Variants in RWDD3 observed in about 807,000 individuals in gnomAD.
The protein encoded by RWDD3 is RWD domain-containing protein 3.
Under a neutral mutation model 26.5 loss-of-function variants are expected in RWDD3, and 30 were observed. The observed-to-expected ratio is 1.13, with a 90% CI of 0.85 to 1.54. The LOEUF (loss-of-function observed/expected upper bound fraction) is 1.54, where lower values mean the gene tolerates loss of function less well. Ranked by LOEUF, RWDD3 falls within the 40% of genes most tolerant of loss-of-function variation. The probability of loss-of-function intolerance (pLI) is 0.00; values close to 1 mark genes in which losing one functional copy is unlikely to be tolerated. For missense variants in RWDD3, 296 were observed against 309.1 expected (o/e 0.96, Z 0.32); for synonymous variants, 113 against 114.5 (o/e 0.99, Z 0.09).
At chr1:95,246,509 G>A (rs767387624) in intron 2 of RWDD3, 33 bp from the exon 3 acceptor site, 4 of 1,252,640 alleles carry the variant, frequency 3.2e-6, no homozygotes, top group Non-Finnish European at 3.5e-6. Flanking sequence ...CTCAGAGTAA[G>A]ATATGTATTT....
chr1:95,245,260 C>T (rs1680806774), intron 2 of RWDD3, among the ~76,000 whole-genome samples: 1 of 152,166 alleles, frequency 6.6e-6, no homozygotes, highest in South Asian at 2.1e-4. Flanking sequence ...TTGCTTTCCA[C>T]CTGACTTGTC....
intron 1 of RWDD3, among the ~76,000 whole-genome samples, chr1:95,239,346 C>T (rs759819386): frequency 6.6e-6 from 1 of 152,122 alleles, no homozygotes; most frequent in African/African-American, 2.4e-5. Flanking sequence ...AAAAATCAGA[C>T]TTACAGTGCA....
intron 1 of RWDD3, among the ~76,000 whole-genome samples, chr1:95,235,574 G>A (rs1680301724): frequency 6.6e-6 from 1 of 151,446 alleles, no homozygotes. Flanking sequence ...TGGCCAGGCT[G>A]GTCTCAATCT....
At chr1:95,239,973 A>T in intron 1 of RWDD3, 2 of 1,277,784 alleles carry the variant, frequency 1.6e-6, no homozygotes, top group Admixed American at 2.4e-5. Context: ...TCAGAAAAGG[A>T]TTCTTCAAAG....
At chr1:95,238,466 A>C (rs948021783) in intron 1 of RWDD3, among the ~76,000 whole-genome samples, 1 of 151,608 alleles carries the variant, frequency 6.6e-6, no homozygotes, top group African/African-American at 2.4e-5. Context: ...TAAAAATCCA[A>C]CTGAAGCATA....
chr1:95,242,780 A>T (rs1200413602), intron 1 of RWDD3, among the ~76,000 whole-genome samples: 3 of 152,030 alleles, frequency 2.0e-5, no homozygotes, highest in Non-Finnish European at 4.4e-5. Flanking sequence ...TTAGCTGGGC[A>T]TGGTGGCATA....
At chr1:95,235,419 C>A (rs562231862) in intron 1 of RWDD3, among the ~76,000 whole-genome samples, 1 of 114,538 alleles carries the variant, frequency 8.7e-6, no homozygotes, top group South Asian at 3.2e-4. Context: ...AGTGCAGTGG[C>A]GCGATCTCGG....
At position 95,234,239 on chromosome 1, in the gene RWDD3, G is replaced by T. The variant is rs750598164; in HGVS notation, c.9G>T (p.Glu3Asp). 20 of 1,590,634 alleles carry T rather than the reference G, an allele frequency of 1.3e-5. 1 individual carries two copies. In the South Asian group the frequency reaches 1.9e-4, roughly 15 times the overall value. The change falls in exon 1 of 4, where the codon GAG becomes GAT. Residue 3 changes from glutamate to aspartate, a missense_variant. Glu to Asp is a conservative substitution (Grantham distance 45, BLOSUM62 2). Coordinates refer to ENST00000370202, the MANE Select transcript of RWDD3 (RefSeq NM_015485.5). MAEPVQEELSVLA... is the reference protein window; with the variant it reads MADPVQEELSVLA... ...CGGTGGGGCCCACAGCCATGGCGGAGCCTGTGCAGGAGGAGCTCTCGGTCC... is the reference window on the plus strand; with the variant it reads ...CGGTGGGGCCCACAGCCATGGCGGATCCTGTGCAGGAGGAGCTCTCGGTCC...
intron 2 of RWDD3, among the ~76,000 whole-genome samples, chr1:95,245,483 A>G (rs965619282): frequency 6.6e-6 from 1 of 152,238 alleles, no homozygotes; most frequent in African/African-American, 2.4e-5. Context: ...TTTAGTGTGA[A>G]CAGTGAATTT....
intron 1 of RWDD3, among the ~76,000 whole-genome samples, chr1:95,236,123 C>T (rs1041433105): frequency 3.3e-5 from 5 of 152,052 alleles, no homozygotes; most frequent in East Asian, 3.9e-4. Flanking sequence ...GTCAGGAGTT[C>T]AAGACCAGCC....
chr1:95,245,228 C>G (rs1418981187), intron 2 of RWDD3, among the ~76,000 whole-genome samples: 1 of 152,206 alleles, frequency 6.6e-6, no homozygotes, highest in Non-Finnish European at 1.5e-5. Flanking sequence ...GGGCTGTCAA[C>G]TTGTCACCTC....
chr1:95,234,849 C>G (rs1680230167), intron 1 of RWDD3, among the ~76,000 whole-genome samples: 1 of 151,930 alleles, frequency 6.6e-6, no homozygotes. Context: ...ATCCAGTGCT[C>G]AACCTCAACT....
At chr1:95,244,109 C>T (rs767433506) in intron 1 of RWDD3, 102 bp from the exon 2 acceptor site, 37 of 1,499,144 alleles carry the variant, frequency 2.5e-5, no homozygotes, top group Non-Finnish European at 2.6e-5. Context: ...AGAGTTTTCT[C>T]ATGAAAAATA....
At chr1:95,234,697 C>T (rs182397260) in intron 1 of RWDD3, among the ~76,000 whole-genome samples, 100 of 151,426 alleles carry the variant, frequency 6.6e-4, no homozygotes, top group African/African-American at 2.3e-3. Context: ...ATGCCCTAGG[C>T]CCCCCCGAGA....
chr1:95,244,432 C>G lies in RWDD3; in HGVS notation c.307C>G (p.Leu103Val). Residue 103 changes from leucine to valine, a missense_variant, in exon 2 of 4, where the codon CTG becomes GTG. Physicochemically the swap from Leu to Val is conservative, Grantham distance 32. Coordinates refer to ENST00000370202, the MANE Select transcript of RWDD3 (RefSeq NM_015485.5). ...TTTGTCGGAGCCTATGGTTCATGAG[C>G]TGGTTCTCTGGATTCAGCAGAATCT... ...SLLSEPMVHE[L>V]VLWIQQNLRH... 1 of 1,614,194 alleles carries G rather than the reference C, an allele frequency of 6.2e-7. No individual in the cohort carries two copies. Among genetic ancestry groups the G allele is most frequent in the South Asian group, 1.1e-5 (1 of 91,084 alleles).
Position 95,246,893 on chromosome 1 carries a change from G to A in RWDD3, c.*23G>A. On this transcript the variant is annotated 3_prime_UTR_variant, in exon 4 of 4. Coordinates refer to ENST00000370202, the MANE Select transcript of RWDD3 (RefSeq NM_015485.5). ...TGAAATGGAAGACAGGAATCTTTTA[G>A]TAAAATAGCAGTGTTTTTTGTTGTT... The A allele has an allele frequency of 1.5e-6, 2 of 1,364,816 alleles. No individual in the cohort carries two copies. Among genetic ancestry groups the A allele is most frequent in the Non-Finnish European group, 2.0e-6 (2 of 1,006,422 alleles). 84.5% of individuals were successfully genotyped at this position (1,364,816 alleles called of 1,614,324 possible). A position where few individuals can be genotyped will look rare whatever the true frequency, so the allele number is the denominator to read the frequency against.
chr1:95,243,905 C>T (rs1235481987), intron 1 of RWDD3, among the ~76,000 whole-genome samples: 2 of 152,128 alleles, frequency 1.3e-5, no homozygotes, highest in East Asian at 1.9e-4. Context: ...TCAACTAAAT[C>T]TGGCTAGAAA....
At chr1:95,239,600 T>C (rs1680519030) in intron 1 of RWDD3, among the ~76,000 whole-genome samples, 1 of 152,148 alleles carries the variant, frequency 6.6e-6, no homozygotes, top group Admixed American at 6.6e-5. Context: ...GCAGCTACAG[T>C]GTATGTGTGG....
chr1:95,239,894 C>A, intron 1 of RWDD3: 1 of 1,289,800 alleles, frequency 7.8e-7, no homozygotes. Flanking sequence ...TGGTTCCCTG[C>A]ACCAGAGAGG....
Sources: gnomAD v4.1 joint callset for allele counts (sites outside exome capture counted in the v4.1 genomes callset) on GRCh38, gnomAD v4.1.1 for gene constraint, MANE v1.5 for transcripts, NCBI Gene and HGNC (gene_info 2026-07-23, HGNC 2026-07-21) for gene names.